Variants in ICE1 observed in about 807,000 individuals in gnomAD.
ICE1 encodes little elongation complex subunit 1.
A neutral mutation model predicts 192.7 loss-of-function variants in ICE1; 64 were observed. The ratio of observed to expected loss-of-function variants is 0.33; its 90% CI spans 0.27 to 0.41. ICE1 has a LOEUF of 0.41. Among genes scored for constraint, ICE1 ranks in the 10% least tolerant of loss-of-function variants. The pLI is 1.00. For missense variants in ICE1, 2,708 were observed against 2,696.0 expected (o/e 1.00, Z -0.10); for synonymous variants, 1,010 against 984.5 (o/e 1.03, Z -0.49).
At chr5:5,434,642 G>A (rs1737818487) in intron 1 of ICE1, among the ~76,000 whole-genome samples, 1 of 152,118 alleles carries the variant, frequency 6.6e-6, no homozygotes. Context: ...AACAAATTAA[G>A]CTAGGGTGTA....
In ICE1 at chr5:5,462,213, C is replaced by T. The variant is rs1454925873; in HGVS notation, c.2879C>T (p.Ser960Phe). The T allele has an allele frequency of 1.2e-6, 2 of 1,610,514 alleles. No homozygotes were observed. The highest frequency in any genetic ancestry group is 2.2e-5 in the East Asian group (1 of 44,826). Residue 960 changes from serine (S) to phenylalanine (F), a missense_variant, in exon 13 of 19, where the codon TCT becomes TTT. By Grantham distance (155) the Ser-to-Phe change is radical (BLOSUM62 -2). This residue lies in a region of ICE1 where 2,366 missense variants were observed against 2,276.6 expected (regional missense o/e 1.04). Transcript: ENST00000296564. Reference protein sequence around the residue: ...DCSTNSRLSFSPENILIQNQD... With the variant: ...DCSTNSRLSFFPENILIQNQD... ...TCCACAAATAGCAGATTATCTTTCT[C>T]TCCTGAAAATATCCTCATCCAAAAC...
chr5:5,478,165 A>C (rs948835400), intron 17 of ICE1, among the ~76,000 whole-genome samples: 3 of 152,218 alleles, frequency 2.0e-5, no homozygotes, highest in African/African-American at 7.2e-5. Flanking sequence ...GAAGAGAGGA[A>C]GTCAAACTGT....
Position 5,461,502 on chromosome 5 carries a change from T to G in ICE1, c.2168T>G (p.Ile723Arg). 6.2e-7 allele frequency: 1 copy of G among 1,613,706 alleles called. No individual in the cohort carries two copies. The highest frequency in any genetic ancestry group is 8.5e-7 in the Non-Finnish European group (1 of 1,179,756). Residue 723 changes from isoleucine (I) to arginine (R), a missense_variant, in exon 13 of 19, where the codon ATA becomes AGA. Physicochemically the swap from Ile to Arg is moderately conservative, Grantham distance 97. Around this residue, in one of 2 missense-constraint regions of ICE1, gnomAD observed 2,366 missense variants for 2,276.6 expected, o/e 1.04. Coordinates refer to ENST00000296564, the MANE Select transcript of ICE1 (RefSeq NM_015325.3). The part of the protein sequence containing the change: ...SNFNDQKSSG[I>R]EYTKVVKGLT... ...TTTAATGATCAGAAGAGCAGTGGGATAGAATATACAAAAGTAGTAAAAGGC... is the reference window on the plus strand; with the variant it reads ...TTTAATGATCAGAAGAGCAGTGGGAGAGAATATACAAAAGTAGTAAAAGGC...
At position 5,463,785 on chromosome 5, in the gene ICE1, C is replaced by T. The variant is rs1738882035; in HGVS notation, c.4451C>T (p.Pro1484Leu). ...ACTGGCCCTGCATTTCAGGAGGCTCCATGTGGCAATAATCTTTCATGTCCC... is the reference window on the plus strand; with the variant it reads ...ACTGGCCCTGCATTTCAGGAGGCTCTATGTGGCAATAATCTTTCATGTCCC... ...SHTGPAFQEAPCGNNLSCPQE... is the reference protein window; with the variant it reads ...SHTGPAFQEALCGNNLSCPQE... The change falls in exon 13 of 19, where the codon CCA becomes CTA. Residue 1484 changes from proline (P) to leucine (L), a missense_variant. Pro to Leu is a moderately conservative substitution (Grantham distance 98, BLOSUM62 -3). Coordinates refer to ENST00000296564, the MANE Select transcript of ICE1 (RefSeq NM_015325.3). 1.9e-6 allele frequency: 3 copies of T among 1,613,986 alleles called. No individual in the cohort carries two copies. In the African/African-American group the frequency reaches 4.0e-5, roughly 22 times the overall value.
In ICE1 at chr5:5,464,785, T is replaced by G. The variant is rs755861620; in HGVS notation, c.5451T>G (p.Cys1817Trp). 1 of 1,613,794 alleles carries G rather than the reference T, an allele frequency of 6.2e-7. No homozygotes were observed. Reference sequence around the variant, plus strand: ...CTGGGAGCAGCTCTGGTGGTGACTGTAACCAAGACAAGTCAAGAGATTTGG... The same window carrying G: ...CTGGGAGCAGCTCTGGTGGTGACTGGAACCAAGACAAGTCAAGAGATTTGG... ...VKTGSSSGGD[C>W]NQDKSRDLGT... Residue 1817 changes from cysteine (C) to tryptophan (W), a missense_variant, in exon 13 of 19, where the codon TGT becomes TGG. Cys to Trp is a radical substitution (Grantham distance 215, BLOSUM62 -2). Around this residue, in one of 2 missense-constraint regions of ICE1, gnomAD observed 2,366 missense variants for 2,276.6 expected, o/e 1.04. Coordinates refer to ENST00000296564, the MANE Select transcript of ICE1 (RefSeq NM_015325.3). The surrounding 1 kb of genome is among the most constrained non-coding windows in gnomAD (Gnocchi z 4.0).
At chr5:5,459,185 A>G (rs1011141157) in intron 12 of ICE1, among the ~76,000 whole-genome samples, 1 of 152,102 alleles carries the variant, frequency 6.6e-6, no homozygotes, top group Non-Finnish European at 1.5e-5. Flanking sequence ...AGCTCACTTA[A>G]TTTTTGATAC....
rs1180301221 is a variant in ICE1 at position 5,464,129 on chromosome 5, A to G, written c.4795A>G (p.Ser1599Gly). ...AAAAGCTAATACAAAAACTCAAAGAAGCCAAACTCAGACCATTTTAGCAAA... is the reference window on the plus strand; with the variant it reads ...AAAAGCTAATACAAAAACTCAAAGAGGCCAAACTCAGACCATTTTAGCAAA... ...GEKANTKTQR[S>G]QTQTILANAD... The change falls in exon 13 of 19, where the codon AGC becomes GGC. Residue 1599 changes from serine (S) to glycine (G), a missense_variant. Ser to Gly is a moderately conservative substitution (Grantham distance 56). Coordinates refer to ENST00000296564, the MANE Select transcript of ICE1 (RefSeq NM_015325.3). This position sits in a 1 kb window ranked among gnomAD's most constrained non-coding sequence, Gnocchi z 4.0. 1 of 1,613,584 alleles carries G rather than the reference A, an allele frequency of 6.2e-7. No individual in the cohort carries two copies. The highest frequency in any genetic ancestry group is 1.1e-5 in the South Asian group (1 of 91,078).
At chr5:5,487,038 C>G (rs975605547) in intron 18 of ICE1, among the ~76,000 whole-genome samples, 1 of 152,132 alleles carries the variant, frequency 6.6e-6, no homozygotes, top group Non-Finnish European at 1.5e-5. Flanking sequence ...CCTTGTTGGG[C>G]ACTGCTTTCC....
At chr5:5,483,591 T>A (rs2111406453) in intron 17 of ICE1, among the ~76,000 whole-genome samples, 1 of 152,320 alleles carries the variant, frequency 6.6e-6, no homozygotes, top group South Asian at 2.1e-4. Context: ...AGCTGAAGCC[T>A]AGAAAGATTA....
chr5:5,484,416 A>G (rs1175895999), intron 17 of ICE1, among the ~76,000 whole-genome samples: 1 of 152,236 alleles, frequency 6.6e-6, no homozygotes, highest in Non-Finnish European at 1.5e-5. Context: ...GCTGTTAGTC[A>G]TACAGTTAAT....
chr5:5,457,867 G>A (rs1230675182), intron 12 of ICE1, 126 bp downstream of exon 12: 4 of 903,204 alleles, frequency 4.4e-6, no homozygotes, highest in Non-Finnish European at 6.8e-6. Flanking sequence ...ATTTTGTTAG[G>A]GGGTAACATG....
At chr5:5,438,232 A>G (rs1737934276) in intron 3 of ICE1, among the ~76,000 whole-genome samples, 1 of 152,164 alleles carries the variant, frequency 6.6e-6, no homozygotes, top group African/African-American at 2.4e-5. Flanking sequence ...TTATCAGGAG[A>G]ACAGCACTGG....
rs746105149 is a variant in ICE1, at chr5:5,461,792, C to A, written c.2458C>A (p.Gln820Lys). ...TGAACAGAAGACTAGCCATCAGTTA[C>A]AAAAGGCAATGCCATTCCTACAAAA... is the stretch of plus-strand genomic sequence containing the variant. Reference protein sequence around the residue: ...EHEQKTSHQLQKAMPFLQNRG... With the variant: ...EHEQKTSHQLKKAMPFLQNRG... The change falls in exon 13 of 19, where the codon CAA becomes AAA. Residue 820 changes from glutamine to lysine, a missense_variant. By Grantham distance (53) the Gln-to-Lys change is moderately conservative. Coordinates refer to ENST00000296564, the MANE Select transcript of ICE1 (RefSeq NM_015325.3). The A allele has an allele frequency of 2.5e-6, 4 of 1,613,932 alleles. No homozygotes were observed. In the Admixed American group the frequency reaches 5.0e-5, roughly 20 times the overall value.
chr5:5,439,203 A>AT (rs1332277973), intron 3 of ICE1, among the ~76,000 whole-genome samples: 1 of 152,142 alleles, frequency 6.6e-6, no homozygotes, highest in Non-Finnish European at 1.5e-5. Flanking sequence ...GCAAAGATTA[A>AT]TTTAGGATGA....
Position 5,465,124 on chromosome 5 carries a change from A to G in ICE1, c.5790A>G (p.Leu1930=), listed in dbSNP as rs766364833. The G allele has an allele frequency of 3.1e-6, 5 of 1,612,242 alleles. No homozygotes were observed. Among genetic ancestry groups the G allele is most frequent in the Non-Finnish European group, 4.2e-6 (5 of 1,179,026 alleles). ...KKIAEFSFDL[L]PVIRSHVYVG... ...TTGCAGAGTTTTCTTTTGATCTGTTACCTGTCATTCGTAGTCATGTGTATG... is the reference window on the plus strand; with the variant it reads ...TTGCAGAGTTTTCTTTTGATCTGTTGCCTGTCATTCGTAGTCATGTGTATG... Residue 1930 remains leucine, a synonymous_variant, in exon 13 of 19, where the codon TTA becomes TTG. Coordinates refer to ENST00000296564, the MANE Select transcript of ICE1 (RefSeq NM_015325.3).
rs1267424888 is a variant in ICE1, at chr5:5,462,731, T to C, written c.3397T>C (p.Leu1133=). The part of the protein sequence containing the change: ...QDAPDDSQKN[L]GDTDAAVAEV... ...TGCTCCTGATGACTCACAGAAAAAT[T>C]TAGGAGACACAGATGCTGCTGTAGC... The change falls in exon 13 of 19, where the codon TTA becomes CTA. Residue 1133 remains leucine, a synonymous_variant. Transcript: ENST00000296564. The C allele has an allele frequency of 6.2e-7, 1 of 1,613,574 alleles. No individual in the cohort carries two copies. The highest frequency in any genetic ancestry group is 1.7e-5 in the Admixed American group (1 of 59,960).
At chr5:5,425,941 G>A (rs988930766) in intron 1 of ICE1, among the ~76,000 whole-genome samples, 4 of 152,208 alleles carry the variant, frequency 2.6e-5, no homozygotes, top group African/African-American at 4.8e-5. Context: ...GGAAGGTCCC[G>A]AGGTTTAAAA....
chr5:5,451,304 G>A (rs943650856), intron 10 of ICE1, among the ~76,000 whole-genome samples: 10 of 152,136 alleles, frequency 6.6e-5, no homozygotes, highest in Admixed American at 6.6e-5. Context: ...AAGGCCTTAC[G>A]TGATACATTG....
intron 1 of ICE1, among the ~76,000 whole-genome samples, chr5:5,428,426 C>G (rs1438730574): frequency 6.6e-6 from 1 of 151,994 alleles, no homozygotes; most frequent in Admixed American, 6.6e-5. Context: ...CAGATCTCTC[C>G]CAGCAAAGCA....
Sources: gnomAD v4.1 joint callset for allele counts (sites outside exome capture counted in the v4.1 genomes callset) on GRCh38, gnomAD v4.1.1 for gene constraint, gnomAD v4.1.1 regional missense constraint, Gnocchi (gnomAD v3.1) non-coding constraint, MANE v1.5 for transcripts, NCBI Gene and HGNC (gene_info 2026-07-23, HGNC 2026-07-21) for gene names.